Variants in AUTS2 observed in about 807,000 individuals in gnomAD.
AUTS2 encodes the protein activator of transcription and developmental regulator AUTS2.
In AUTS2, 17 loss-of-function variants were observed where a neutral mutation model predicts 112.4. The observed-to-expected ratio is 0.15, with a 90% CI of 0.10 to 0.23. AUTS2 has a LOEUF of 0.23. Ranked by LOEUF, AUTS2 falls within the 10% of genes least tolerant of loss-of-function variation. The pLI, the probability that AUTS2 is intolerant of heterozygous loss-of-function variation, is 1.00. For missense variants in AUTS2, 1,510 were observed against 1,701.6 expected (o/e 0.89, Z 1.98); for synonymous variants, 751 against 702.7 (o/e 1.07, Z -1.09).
At chr7:70,511,561 CTTTTTTTTTTTTT>C (rs3974587) in intron 5 of AUTS2, among the ~76,000 whole-genome samples, 3 of 70,106 alleles carry the variant, frequency 4.3e-5, no homozygotes, top group African/African-American at 1.2e-4. Context: ...TTTTCATTTT[CTTTTTTTTTTTTT>C]TTTTTTTTTT....
chr7:69,712,771 A>G (rs1045286893), intron 1 of AUTS2, among the ~76,000 whole-genome samples: 2 of 152,106 alleles, frequency 1.3e-5, no homozygotes, highest in African/African-American at 4.8e-5. Context: ...GGGCAGGTGT[A>G]TGTTTAACTT....
intron 1 of AUTS2, among the ~76,000 whole-genome samples, chr7:69,704,154 C>T (rs1470738513): frequency 1.3e-5 from 2 of 152,166 alleles, no homozygotes; most frequent in African/African-American, 4.8e-5. Context: ...TTTCAGAAAT[C>T]CCAAACTCTG....
intron 10 of AUTS2, among the ~76,000 whole-genome samples, chr7:70,768,877 C>CTTTTTTCT (rs1554482422): frequency 3.7e-5 from 4 of 108,216 alleles, no homozygotes; most frequent in African/African-American, 3.5e-5. Context: ...CCAGTGATTT[C>CTTTTTTCT]TTTTTTTTTT....
intron 1 of AUTS2, 43 bp from the exon 2 acceptor site, chr7:69,899,243 C>G (rs1053566394): frequency 1.3e-6 from 2 of 1,499,072 alleles, no homozygotes; most frequent in Non-Finnish European, 9.3e-7. Context: ...CCCTAGATAC[C>G]TTTGTAACCA....
chr7:70,065,828 C>T lies in AUTS2; in HGVS notation c.523-52304C>T, dbSNP rs190756190. ...TCAGGGAATCCTCCCACCTCAGCCT[C>T]TTGGGTAGCTAGGACTGCAGGTGTA... On this transcript the variant is annotated intron_variant, in intron 2 of 18. Coordinates refer to ENST00000342771, the MANE Select transcript of AUTS2 (RefSeq NM_015570.4). 2.6e-5 allele frequency among the ~76,000 whole-genome samples: 4 copies of T among 152,282 alleles called. No homozygotes were observed. In the East Asian group the frequency reaches 7.7e-4, roughly 29 times the overall value.
At chr7:70,436,128 C>G (rs1355099450) in intron 5 of AUTS2, 1 of 227,328 alleles carries the variant, frequency 4.4e-6, no homozygotes, top group African/African-American at 2.3e-5. Flanking sequence ...GAACGTTAAA[C>G]TTGCTAGTTT....
chr7:70,077,040 C>T lies in AUTS2; in HGVS notation c.523-41092C>T, dbSNP rs183324131. Among the ~76,000 whole-genome samples the T allele has an allele frequency of 2.2e-3, 340 of 152,210 alleles. 1 individual carries two copies. Among genetic ancestry groups the T allele is most frequent in the African/African-American group, 7.6e-3 (315 of 41,528 alleles). On this transcript the variant is annotated intron_variant, in intron 2 of 18. Transcript: ENST00000342771. ...GCTGTCATGTAGAAGAGGAATTAGA[C>T]TTATTCTGGGGGGTCCTGGAGGACA...
Position 70,694,957 on chromosome 7 carries a change from G to A in AUTS2, c.691-3612G>A, listed in dbSNP as rs1808995418. The A allele has an allele frequency of 6.6e-6, 1 of 152,434 alleles. No individual in the cohort carries two copies. The highest frequency in any genetic ancestry group is 1.5e-5 in the Non-Finnish European group (1 of 68,284). The allele number at this position is 152,434 out of a possible 1,614,324, so 9.4% of individuals were successfully genotyped here. ...CGTGTGTTTTGGTGGTTTCCCCCCT[G>A]GTCTTTGACGATCGCCCTTCGGGAG... is the stretch of plus-strand genomic sequence containing the variant. On this transcript the variant is annotated intron_variant, in intron 5 of 18. Coordinates refer to ENST00000342771, the MANE Select transcript of AUTS2 (RefSeq NM_015570.4). This position sits in a 1 kb window ranked among gnomAD's most constrained non-coding sequence, Gnocchi z 4.1.
chr7:70,342,128 C>T (rs759591089), intron 4 of AUTS2, among the ~76,000 whole-genome samples: 1 of 152,106 alleles, frequency 6.6e-6, no homozygotes, highest in Non-Finnish European at 1.5e-5. Context: ...CAGGGCTTTG[C>T]CTGTCCTCTC....
At chr7:69,932,231 G>A (rs1386624706) in intron 2 of AUTS2, among the ~76,000 whole-genome samples, 1 of 152,182 alleles carries the variant, frequency 6.6e-6, no homozygotes, top group Non-Finnish European at 1.5e-5. Context: ...GCCCCAAATG[G>A]AAAAGTGCTT....
chr7:69,602,096 ATC>A (rs1242485284), intron 1 of AUTS2, among the ~76,000 whole-genome samples: 1 of 139,324 alleles, frequency 7.2e-6, no homozygotes, highest in African/African-American at 2.7e-5. Context: ...GTGTGTGTAT[ATC>A]TCACTTATGC....
intron 1 of AUTS2, among the ~76,000 whole-genome samples, chr7:69,625,319 C>T (rs111313705): frequency 0.011 from 1,614 of 152,248 alleles, 18 homozygotes; most frequent in Admixed American, 0.021. Flanking sequence ...TGGTCCCTTG[C>T]GTTTATTTAC....
intron 12 of AUTS2, 29 bp from the exon 13 acceptor site, chr7:70,775,328 G>T: frequency 1.9e-6 from 3 of 1,606,076 alleles, no homozygotes; most frequent in Non-Finnish European, 2.6e-6. Flanking sequence ...TGACAGGCAT[G>T]TAACCAAGTT....
rs376873795 is a variant in AUTS2 at position 70,754,674 on chromosome 7, T to C, written c.743-8196T>C. On this transcript the variant is annotated intron_variant, in intron 6 of 18. Transcript: ENST00000342771. ...GACTGTGATCTGTAGTCTTTCTGTG[T>C]GGTGTGCTCTTTGTGGCTTTGTCAT... is the stretch of plus-strand genomic sequence containing the variant. 1.2e-4 allele frequency among the ~76,000 whole-genome samples: 18 copies of C among 152,338 alleles called. No homozygotes were observed. In the South Asian group the frequency reaches 3.7e-3, roughly 32 times the overall value.
At chr7:70,039,196 C>T (rs552988604) in intron 2 of AUTS2, among the ~76,000 whole-genome samples, 6 of 152,132 alleles carry the variant, frequency 3.9e-5, no homozygotes, top group Admixed American at 6.5e-5. Flanking sequence ...TACCTATTGT[C>T]AGCATTGTTT....
chr7:69,705,220 G>A (rs1353632022), intron 1 of AUTS2, among the ~76,000 whole-genome samples: 1 of 152,064 alleles, frequency 6.6e-6, no homozygotes, highest in African/African-American at 2.4e-5. Context: ...TTGCAGACTT[G>A]GAAATGTATA....
At chr7:69,909,720 C>T (rs1307314747) in intron 2 of AUTS2, among the ~76,000 whole-genome samples, 2 of 152,090 alleles carry the variant, frequency 1.3e-5, no homozygotes, top group African/African-American at 4.8e-5. Flanking sequence ...TAAAAATTCT[C>T]ATAAGAATTT....
chr7:70,209,922 G>A (rs1317711448), intron 4 of AUTS2, among the ~76,000 whole-genome samples: 1 of 151,952 alleles, frequency 6.6e-6, no homozygotes. Flanking sequence ...TCCTGGTTCT[G>A]CTTGTTGGAA....
intron 4 of AUTS2, among the ~76,000 whole-genome samples, chr7:70,329,679 A>G (rs997395844): frequency 2.0e-5 from 3 of 150,330 alleles, no homozygotes; most frequent in Non-Finnish European, 4.4e-5. Flanking sequence ...TACTAGATAC[A>G]TATGATTTGC....
Sources: gnomAD v4.1 joint callset for allele counts (sites outside exome capture counted in the v4.1 genomes callset) on GRCh38, gnomAD v4.1.1 for gene constraint, Gnocchi (gnomAD v3.1) non-coding constraint, MANE v1.5 for transcripts, NCBI Gene and HGNC (gene_info 2026-07-23, HGNC 2026-07-21) for gene names.